The following DOCK7 variants were observed in gnomAD, a reference collection of about 807,000 sequenced individuals.
The protein encoded by DOCK7 is dedicator of cytokinesis protein 7.
In DOCK7, 138 loss-of-function variants were observed where a neutral mutation model predicts 271.0. That is an observed-to-expected ratio of 0.51 (90% CI 0.44 to 0.59). The LOEUF (loss-of-function observed/expected upper bound fraction) is 0.59. DOCK7 is among the 20% of genes least tolerant of loss of function. The pLI is 0.00. For missense variants in DOCK7, 2,066 were observed against 2,592.4 expected (o/e 0.80, Z 4.41); for synonymous variants, 823 against 876.1 (o/e 0.94, Z 1.07).
chr1:62,564,091 A>G (rs1646430583), intron 18 of DOCK7, among the ~76,000 whole-genome samples: 1 of 152,042 alleles, frequency 6.6e-6, no homozygotes, highest in Admixed American at 6.5e-5. Flanking sequence ...GAGACCTACA[A>G]AGACACTTAG....
chr1:62,470,069 C>T (rs1256460598), intron 48 of DOCK7, among the ~76,000 whole-genome samples: 1 of 152,062 alleles, frequency 6.6e-6, no homozygotes, highest in African/African-American at 2.4e-5. Flanking sequence ...TACCATTTGA[C>T]AGTAAAATGG....
chr1:62,647,818 T>C (rs745387274), intron 6 of DOCK7, 42 bp from the exon 7 acceptor site: 1 of 1,365,508 alleles, frequency 7.3e-7, no homozygotes, highest in Non-Finnish European at 1.0e-6. Context: ...ATGCTTATCA[T>C]ATTCCAACTC....
intron 12 of DOCK7, among the ~76,000 whole-genome samples, chr1:62,624,164 T>A (rs1250811833): frequency 1.3e-5 from 2 of 152,112 alleles, no homozygotes; most frequent in Admixed American, 1.3e-4. Context: ...TGATCTTGAT[T>A]CATGACACAG....
At chr1:62,459,905 C>A (rs1205136793) in intron 48 of DOCK7, among the ~76,000 whole-genome samples, 1 of 151,916 alleles carries the variant, frequency 6.6e-6, no homozygotes, top group Admixed American at 6.6e-5. Context: ...CGAGGCCATT[C>A]TGGCTAACAG....
rs552157165 is a variant in DOCK7, at chr1:62,541,375, T to G, written c.3045+1233A>C. Among the ~76,000 whole-genome samples the G allele has an allele frequency of 2.6e-5, 4 of 152,306 alleles. No individual in the cohort carries two copies. The East Asian group carries it at 7.7e-4, about 29-fold the overall frequency. On this transcript the variant is annotated intron_variant, in intron 25 of 49. Coordinates refer to ENST00000635253, the MANE Select transcript of DOCK7 (RefSeq NM_001367561.1). ...ATATGTGTGTGTTTACATATACAAGTTTATATGTACAGGTGACCCTTGAAC... is the reference window on the plus strand; with the variant it reads ...ATATGTGTGTGTTTACATATACAAGGTTATATGTACAGGTGACCCTTGAAC...
At chr1:62,634,990 G>A in intron 8 of DOCK7, 68 bp from the exon 9 acceptor site, 1 of 1,009,218 alleles carries the variant, frequency 9.9e-7, no homozygotes, top group Admixed American at 2.6e-5. Flanking sequence ...TTAAAAGAAA[G>A]CTGCTTCTGC....
At chr1:62,497,152 T>C (rs1255146995) in intron 37 of DOCK7, among the ~76,000 whole-genome samples, 4 of 152,210 alleles carry the variant, frequency 2.6e-5, no homozygotes, top group Non-Finnish European at 5.9e-5. Flanking sequence ...GAAAATCTCC[T>C]ACCTTATCTT....
intron 14 of DOCK7, among the ~76,000 whole-genome samples, chr1:62,616,969 A>G (rs1220090380): frequency 6.6e-6 from 1 of 151,692 alleles, no homozygotes; most frequent in African/African-American, 2.4e-5. Flanking sequence ...TTGAGAGTAA[A>G]GGTAAAGATA....
At chr1:62,552,463 C>T (rs1645939843) in intron 22 of DOCK7, among the ~76,000 whole-genome samples, 1 of 152,146 alleles carries the variant, frequency 6.6e-6, no homozygotes, top group Non-Finnish European at 1.5e-5. Context: ...CCATTTTTCA[C>T]ATGATGGAGT....
chr1:62,612,291 C>T (rs928662550), intron 14 of DOCK7, among the ~76,000 whole-genome samples: 1 of 152,034 alleles, frequency 6.6e-6, no homozygotes, highest in African/African-American at 2.4e-5. Context: ...ACAGATAACA[C>T]AAAAATGACA....
At chr1:62,621,710 T>A (rs970088680) in intron 12 of DOCK7, among the ~76,000 whole-genome samples, 1 of 152,212 alleles carries the variant, frequency 6.6e-6, no homozygotes, top group Non-Finnish European at 1.5e-5. Flanking sequence ...AAAATCTGAC[T>A]TTACAAGGTT....
At chr1:62,577,198 A>T in intron 18 of DOCK7, 64 bp downstream of exon 18, 2 of 1,030,652 alleles carry the variant, frequency 1.9e-6, no homozygotes, top group Non-Finnish European at 2.7e-6. Flanking sequence ...CTTGGTAAAA[A>T]CATCTTTATA....
At chr1:62,475,661 G>C (rs748470439) in intron 46 of DOCK7, 46 bp downstream of exon 46, 2 of 1,524,478 alleles carry the variant, frequency 1.3e-6, no homozygotes, top group Non-Finnish European at 1.8e-6. Context: ...TACATGGCTT[G>C]AATGTATTTG....
intron 37 of DOCK7, among the ~76,000 whole-genome samples, chr1:62,497,743 T>G (rs1332576445): frequency 6.6e-6 from 1 of 152,224 alleles, no homozygotes. Flanking sequence ...GAACTTTTTG[T>G]AAAATGCAGA....
chr1:62,457,792 T>C, intron 48 of DOCK7, 87 bp from the exon 49 acceptor site: 2 of 1,252,046 alleles, frequency 1.6e-6, no homozygotes, highest in Non-Finnish European at 2.3e-6. Context: ...CATATACATA[T>C]ATATGTGGGC....
intron 46 of DOCK7, 178 bp from the exon 47 acceptor site, chr1:62,475,529 G>A (rs960281066): frequency 1.3e-5 from 14 of 1,096,978 alleles, no homozygotes; most frequent in Non-Finnish European, 1.8e-5. Context: ...TAAAGAAAAA[G>A]CTGGGGGTGA....
At chr1:62,688,174 C>A in intron 1 of DOCK7, 53 bp downstream of exon 1, 1 of 1,345,950 alleles carries the variant, frequency 7.4e-7, no homozygotes, top group Non-Finnish European at 9.6e-7. Flanking sequence ...TGGGAGGACT[C>A]CGCGGCTCTT....
chr1:62,569,705 T>TCCCCCCCCCCCCCCC (rs1205849919), intron 18 of DOCK7, among the ~76,000 whole-genome samples: 2 of 104,826 alleles, frequency 1.9e-5, no homozygotes, highest in African/African-American at 3.8e-5. Context: ...CTCACCACTC[T>TCCCCCCCCCCCCCCC]CCCCCCTCCC....
intron 14 of DOCK7, chr1:62,604,407 G>T: frequency 1.1e-6 from 1 of 909,176 alleles, no homozygotes; most frequent in Non-Finnish European, 1.6e-6. Context: ...GTTCAATCAG[G>T]TATTTTACCT....
Sources: allele counts gnomAD v4.1 joint callset (sites outside exome capture counted in the v4.1 genomes callset), GRCh38; gene constraint gnomAD v4.1.1; transcripts MANE v1.5; gene names NCBI Gene and HGNC (gene_info 2026-07-23, HGNC 2026-07-21).